Variants in BRD7 observed in about 807,000 individuals in gnomAD.
BRD7 encodes the protein bromodomain containing 7.
A neutral mutation model predicts 82.1 loss-of-function variants in BRD7; 15 were observed. The ratio of observed to expected loss-of-function variants is 0.18; its 90% CI spans 0.12 to 0.28. The LOEUF is 0.28. BRD7 is among the 10% of genes least tolerant of loss of function. The pLI is 1.00. For missense variants in BRD7, 638 were observed against 779.9 expected, an observed-to-expected ratio of 0.82 and a Z score of 2.17; for synonymous variants, 232 against 266.9, an observed-to-expected ratio of 0.87 and a Z score of 1.27.
chr16:50,320,452 G>A (rs779169223), intron 14 of BRD7, 61 bp from the exon 15 acceptor site: 301 of 1,572,816 alleles, frequency 1.9e-4, no homozygotes, highest in Non-Finnish European at 2.3e-4. Flanking sequence ...CGAATCCTAG[G>A]CTCTAGGGCT....
rs1001554523 is a variant in BRD7, at chr16:50,333,829, T to C, written c.888-132A>G. 51 of 762,118 alleles carry C rather than the reference T, an allele frequency of 6.7e-5. No homozygotes were observed. In the African/African-American group the frequency reaches 8.8e-4, roughly 13 times the overall value. The allele number at this position is 762,118 out of a possible 1,614,324, so 47.2% of individuals were successfully genotyped here. A position where few individuals can be genotyped will look rare whatever the true frequency, so the allele number is the denominator to read the frequency against. On this transcript the variant is annotated intron_variant, in intron 7 of 16. Transcript: ENST00000394688. ...CTACAGTCACTCATTGAAACTTACT[T>C]CCTTGATGACCTGTTAAGGGTCTCT...
chr16:50,350,024 T>C lies in BRD7; in HGVS notation c.590A>G (p.Lys197Arg). The C allele has an allele frequency of 1.3e-6, 2 of 1,576,684 alleles. No homozygotes were observed. The highest frequency in any genetic ancestry group is 1.2e-5 in the South Asian group (1 of 82,948). Residue 197 changes from lysine to arginine, a missense_variant and splice_region_variant, in exon 5 of 17, where the codon AAG (lysine) becomes AGG (arginine). Around this residue, in one of 3 missense-constraint regions of BRD7, gnomAD observed 64 missense variants for 123.8 expected, o/e 0.52. Coordinates refer to ENST00000394688, the MANE Select transcript of BRD7 (RefSeq NM_013263.5). ...NNDYQSIEEL[K>R]DNFKLMCTNA... ...GTGTATATAGGATTGAAGAGTTACCTTTAGTTCTTCTATGGACTGATAGTC... is the reference window on the plus strand; with the variant it reads ...GTGTATATAGGATTGAAGAGTTACCCTTAGTTCTTCTATGGACTGATAGTC...
In BRD7 at chr16:50,317,458, T is replaced by A. The variant is rs1195500298; in HGVS notation, c.*1753A>T. 1 of 151,760 alleles carries A rather than the reference T, an allele frequency of 6.6e-6. No homozygotes were observed. Among genetic ancestry groups the A allele is most frequent in the Non-Finnish European group, 1.5e-5 (1 of 68,040 alleles). 9.4% of individuals were successfully genotyped at this position (151,760 alleles called of 1,614,324 possible). ...ATAACATAGAAACACATTAGTGCAC[T>A]GGGCCTCTCTGAGGTCAGCATATTT... On this transcript the variant is annotated 3_prime_UTR_variant, in exon 17 of 17. Transcript: ENST00000394688.
At chr16:50,333,781 C>T in intron 7 of BRD7, 84 bp from the exon 8 acceptor site, 1 of 1,172,694 alleles carries the variant, frequency 8.5e-7, no homozygotes, top group Non-Finnish European at 1.2e-6. Flanking sequence ...AATATGAATA[C>T]AACTAAAGTG....
chr16:50,361,352 AT>A (rs1423324326), intron 2 of BRD7, among the ~76,000 whole-genome samples: 6 of 152,182 alleles, frequency 3.9e-5, no homozygotes, highest in Non-Finnish European at 8.8e-5. Context: ...GAGTAAAAAA[AT>A]TTTTTTAATG....
intron 2 of BRD7, among the ~76,000 whole-genome samples, chr16:50,357,204 T>C (rs770024195): frequency 4.6e-5 from 7 of 152,242 alleles, no homozygotes; most frequent in Non-Finnish European, 5.9e-5. Context: ...AGAGAATTTG[T>C]ACTTTCTAAC....
intron 5 of BRD7, among the ~76,000 whole-genome samples, chr16:50,346,471 T>C (rs1484757876): frequency 1.3e-5 from 2 of 152,086 alleles, no homozygotes; most frequent in African/African-American, 2.4e-5. Flanking sequence ...AAAAAATCAA[T>C]GAATCCAGGA....
rs190536301 is a variant in BRD7 at position 50,335,831 on chromosome 16, T to C, written c.703-936A>G. On this transcript the variant is annotated intron_variant, in intron 6 of 16. Coordinates refer to ENST00000394688, the MANE Select transcript of BRD7 (RefSeq NM_013263.5). ...GGCCTTTCCTCATCACACCATGCTCTATTAGTAGTGCAGATGGTGACATCC... is the reference window on the plus strand; with the variant it reads ...GGCCTTTCCTCATCACACCATGCTCCATTAGTAGTGCAGATGGTGACATCC... 5.9e-5 allele frequency among the ~76,000 whole-genome samples: 9 copies of C among 152,348 alleles called. No homozygotes were observed. The East Asian group carries it at 7.7e-4, about 13-fold the overall frequency.
intron 5 of BRD7, among the ~76,000 whole-genome samples, chr16:50,345,210 A>T (rs1383875762): frequency 1.3e-5 from 2 of 152,202 alleles, no homozygotes; most frequent in African/African-American, 4.8e-5. Context: ...TTACAGACAA[A>T]CAAATGCTGA....
intron 2 of BRD7, among the ~76,000 whole-genome samples, chr16:50,358,909 A>G (rs578069422): frequency 6.6e-6 from 1 of 152,350 alleles, no homozygotes; most frequent in South Asian, 2.1e-4. Flanking sequence ...TCACCAGCAT[A>G]TGACTTTTAA....
chr16:50,325,644 ATT>A, intron 11 of BRD7, 102 bp downstream of exon 11: 2 of 1,089,476 alleles, frequency 1.8e-6, no homozygotes, highest in Non-Finnish European at 2.5e-6. Context: ...TACTGAGCAC[ATT>A]TTTTTTTACT....
intron 6 of BRD7, among the ~76,000 whole-genome samples, chr16:50,336,169 C>T (rs538520681): frequency 2.0e-5 from 3 of 152,166 alleles, no homozygotes; most frequent in Admixed American, 6.5e-5. Context: ...TTTAATCCCA[C>T]GTCTACACCA....
At chr16:50,320,137 T>C (rs989541571) in intron 15 of BRD7, 107 bp from the exon 16 acceptor site, 9 of 1,477,270 alleles carry the variant, frequency 6.1e-6, no homozygotes, top group South Asian at 5.4e-5. Flanking sequence ...ACAAAAAAAC[T>C]GTCCCTGGGA....
chr16:50,365,555 GA>G (rs1049990916), intron 2 of BRD7, among the ~76,000 whole-genome samples: 23 of 152,124 alleles, frequency 1.5e-4, no homozygotes, highest in African/African-American at 5.3e-4. Context: ...GGGAGCAAAA[GA>G]AAACTTAGGA....
Position 50,323,578 on chromosome 16 carries a change from T to C in BRD7, c.1443+9A>G. On this transcript the variant is annotated intron_variant, in intron 12 of 16. Coordinates refer to ENST00000394688, the MANE Select transcript of BRD7 (RefSeq NM_013263.5). ...TAAATTACCCTGTTTTCATTAGCAG[T>C]GTTCTTACCATCTCCATCTCTTGTA... is the stretch of plus-strand genomic sequence containing the variant. 1 of 1,563,424 alleles carries C rather than the reference T, an allele frequency of 6.4e-7. No individual in the cohort carries two copies. The highest frequency in any genetic ancestry group is 8.8e-7 in the Non-Finnish European group (1 of 1,134,222).
rs935287920 is a variant in BRD7, at chr16:50,319,175, G to A, written c.*36C>T. On this transcript the variant is annotated 3_prime_UTR_variant, in exon 17 of 17. Transcript: ENST00000394688. ...GCATTTCTAAGTTAAGAATGAAAAAGTATGTACATAATATATAATCAAATA... is the reference window on the plus strand; with the variant it reads ...GCATTTCTAAGTTAAGAATGAAAAAATATGTACATAATATATAATCAAATA... 7 of 1,488,554 alleles carry A rather than the reference G, an allele frequency of 4.7e-6. No homozygotes were observed. The African/African-American group carries it at 5.6e-5, about 12-fold the overall frequency. 92.2% of individuals were successfully genotyped at this position (1,488,554 alleles called of 1,614,324 possible). A position where few individuals can be genotyped will look rare whatever the true frequency, so the allele number is the denominator to read the frequency against.
chr16:50,346,037 A>C (rs2151180785), intron 5 of BRD7, among the ~76,000 whole-genome samples: 1 of 152,356 alleles, frequency 6.6e-6, no homozygotes, highest in African/African-American at 2.4e-5. Flanking sequence ...CTCCTCAGTA[A>C]ATGTAAAAGA....
In BRD7 at chr16:50,317,578, T is replaced by C. The variant is rs2036861671; in HGVS notation, c.*1633A>G. On this transcript the variant is annotated 3_prime_UTR_variant, in exon 17 of 17. Transcript: ENST00000394688. ...TGACTACCACTCACTCATGCATTTT[T>C]ATTTCCAATTAAAGCAAAGCACTGT... 1 of 152,366 alleles carries C rather than the reference T, an allele frequency of 6.6e-6. No individual in the cohort carries two copies. Among genetic ancestry groups the C allele is most frequent in the African/African-American group, 2.4e-5 (1 of 41,450 alleles). 9.4% of individuals were successfully genotyped at this position (152,366 alleles called of 1,614,324 possible).
intron 6 of BRD7, among the ~76,000 whole-genome samples, chr16:50,338,800 C>G (rs977816210): frequency 6.6e-6 from 1 of 152,174 alleles, no homozygotes; most frequent in Non-Finnish European, 1.5e-5. Context: ...TGCCCAAAGT[C>G]CACAAGTTAG....
Sources: gnomAD v4.1 joint callset for allele counts (sites outside exome capture counted in the v4.1 genomes callset) on GRCh38, gnomAD v4.1.1 for gene constraint, gnomAD v4.1.1 regional missense constraint, MANE v1.5 for transcripts, NCBI Gene and HGNC (gene_info 2026-07-23, HGNC 2026-07-21) for gene names.